CDYL: variants seen among roughly 807,000 people sequenced by gnomAD.
CDYL encodes chromodomain Y like.
A neutral mutation model predicts 47.3 loss-of-function variants in CDYL; 8 were observed. The observed-to-expected ratio is 0.17, with a 90% confidence interval of 0.10 to 0.31. The LOEUF (loss-of-function observed/expected upper bound fraction) is 0.31. Ranked by LOEUF, CDYL falls within the 10% of genes least tolerant of loss-of-function variation. CDYL has a pLI of 1.00. For missense variants in CDYL, 471 were observed against 701.4 expected, an observed-to-expected ratio of 0.67 and a Z score of 3.71; for synonymous variants, 266 against 265.0, an observed-to-expected ratio of 1.00 and a Z score of -0.04.
intron 2 of CDYL, among the ~76,000 whole-genome samples, chr6:4,909,795 C>T (rs1757354479): frequency 2.0e-5 from 3 of 151,754 alleles, no homozygotes; most frequent in African/African-American, 7.3e-5. Flanking sequence ...AGGATGATCT[C>T]GATCTCCTGA....
At chr6:4,709,778 C>A (rs182439299) in intron 1 of CDYL, among the ~76,000 whole-genome samples, 3 of 152,182 alleles carry the variant, frequency 2.0e-5, no homozygotes, top group African/African-American at 7.2e-5. Flanking sequence ...GAAGACAGGA[C>A]AAAGGTCTTA....
At chr6:4,799,415 A>G (rs1759163206) in intron 1 of CDYL, among the ~76,000 whole-genome samples, 1 of 152,022 alleles carries the variant, frequency 6.6e-6, no homozygotes, top group Admixed American at 6.6e-5. Context: ...CAGCTAAACT[A>G]CAGTTGGTAT....
chr6:4,859,809 G>A (rs558489452), intron 1 of CDYL, among the ~76,000 whole-genome samples: 18 of 152,252 alleles, frequency 1.2e-4, no homozygotes, highest in African/African-American at 4.1e-4. Flanking sequence ...CTGACTGCAG[G>A]CAGACAGCTC....
intron 1 of CDYL, among the ~76,000 whole-genome samples, chr6:4,708,145 TACACACACACACAC>T (rs66538207): frequency 2.6e-4 from 39 of 149,538 alleles, no homozygotes; most frequent in South Asian, 1.1e-3. Context: ...TTGTGTTGTG[TACACACACACACAC>T]ACACACACAC....
chr6:4,829,176 A>G (rs960205594), intron 1 of CDYL, among the ~76,000 whole-genome samples: 1 of 152,140 alleles, frequency 6.6e-6, no homozygotes, highest in Non-Finnish European at 1.5e-5. Flanking sequence ...TGAAAACTGC[A>G]CATTTGACAT....
At chr6:4,728,124 G>T (rs6931290) in intron 2 of CDYL, among the ~76,000 whole-genome samples, 21,993 of 152,124 alleles carry the variant, frequency 0.14, 2,140 homozygotes, top group African/African-American at 0.29. Flanking sequence ...CAACTAAACA[G>T]TTTCTCTTCA....
intron 2 of CDYL, among the ~76,000 whole-genome samples, chr6:4,896,560 T>C (rs1361047879): frequency 6.6e-6 from 1 of 152,086 alleles, no homozygotes; most frequent in Non-Finnish European, 1.5e-5. Context: ...AGAAATGCTA[T>C]TGAAATAACA....
chr6:4,796,839 A>G (rs542497221), intron 1 of CDYL, among the ~76,000 whole-genome samples: 1 of 152,272 alleles, frequency 6.6e-6, no homozygotes, highest in South Asian at 2.1e-4. Flanking sequence ...TGTTATTACT[A>G]TAATGTTTGG....
intron 1 of CDYL, among the ~76,000 whole-genome samples, chr6:4,784,915 C>G (rs1758713381): frequency 6.6e-6 from 1 of 151,216 alleles, no homozygotes; most frequent in Admixed American, 6.5e-5. Context: ...TGCACAAGCT[C>G]TCTTGCCTGC....
intron 3 of CDYL, among the ~76,000 whole-genome samples, chr6:4,748,682 A>ACACAC (rs1248295380): frequency 2.3e-4 from 15 of 66,540 alleles, no homozygotes; most frequent in Non-Finnish European, 4.3e-4. Flanking sequence ...CACACACACA[A>ACACAC]ACAAATTTTA....
intron 1 of CDYL, among the ~76,000 whole-genome samples, chr6:4,785,211 T>G (rs992691425): frequency 9.2e-5 from 14 of 152,224 alleles, no homozygotes; most frequent in African/African-American, 3.4e-4. Flanking sequence ...CATTGATGTT[T>G]GTGTAAGTTC....
chr6:4,923,457 A>G (rs145048334), intron 2 of CDYL, among the ~76,000 whole-genome samples: 1 of 152,094 alleles, frequency 6.6e-6, no homozygotes, highest in Non-Finnish European at 1.5e-5. Flanking sequence ...CATTTTCTTT[A>G]TCCATTCATT....
chr6:4,736,747 A>C (rs1348812105), intron 3 of CDYL, among the ~76,000 whole-genome samples: 1 of 151,912 alleles, frequency 6.6e-6, no homozygotes, highest in Non-Finnish European at 1.5e-5. Flanking sequence ...GAGCATAGAC[A>C]TTAAGAGTAA....
At chr6:4,853,926 T>C (rs1344402536) in intron 1 of CDYL, among the ~76,000 whole-genome samples, 2 of 152,268 alleles carry the variant, frequency 1.3e-5, no homozygotes, top group East Asian at 3.8e-4. Context: ...GGGATCCTCC[T>C]CCCACTTTGT....
intron 2 of CDYL, among the ~76,000 whole-genome samples, chr6:4,918,237 C>G (rs1485623069): frequency 9.1e-5 from 4 of 44,174 alleles, no homozygotes; most frequent in Non-Finnish European, 2.2e-4. Context: ...AATAAGATCC[C>G]ACTGCTGGAG....
At chr6:4,881,295 A>G (rs186844210) in intron 1 of CDYL, among the ~76,000 whole-genome samples, 7 of 151,964 alleles carry the variant, frequency 4.6e-5, no homozygotes, top group Non-Finnish European at 1.0e-4. Flanking sequence ...ACATTTCGTT[A>G]TAATTCTCTA....
chr6:4,732,931 G>A (rs1190203060), intron 2 of CDYL, among the ~76,000 whole-genome samples: 1 of 152,052 alleles, frequency 6.6e-6, no homozygotes, highest in South Asian at 2.1e-4. Context: ...GGGAGAGAGC[G>A]GAACAGTGAA....
At chr6:4,796,322 G>T (rs1759072413) in intron 1 of CDYL, among the ~76,000 whole-genome samples, 1 of 152,130 alleles carries the variant, frequency 6.6e-6, no homozygotes, top group Non-Finnish European at 1.5e-5. Flanking sequence ...TTAGTTTGAT[G>T]TGAGAACATT....
intron 1 of CDYL, among the ~76,000 whole-genome samples, chr6:4,890,901 C>T (rs1273752176): frequency 3.9e-5 from 6 of 152,170 alleles, no homozygotes; most frequent in African/African-American, 7.2e-5. Flanking sequence ...TCTTCAGTAA[C>T]GTATGGAGGC....
Sources: gnomAD v4.1 joint callset for allele counts (sites outside exome capture counted in the v4.1 genomes callset) on GRCh38, gnomAD v4.1.1 for gene constraint, MANE v1.5 for transcripts, NCBI Gene and HGNC (gene_info 2026-07-23, HGNC 2026-07-21) for gene names.